NPAS2: variants seen among roughly 807,000 people sequenced by gnomAD.
NPAS2 encodes neuronal PAS domain protein 2.
A neutral mutation model predicts 107.5 loss-of-function variants in NPAS2; 23 were observed. That is an observed-to-expected ratio of 0.21 (90% CI 0.15 to 0.30). NPAS2 has a LOEUF of 0.30. Among genes scored for constraint, NPAS2 ranks in the 10% least tolerant of loss-of-function variants. The pLI, the probability that NPAS2 is intolerant of heterozygous loss-of-function variation, is 1.00. For synonymous variants in NPAS2, 403 were observed against 417.5 expected, an observed-to-expected ratio of 0.97 and a Z score of 0.42; for missense variants, 756 against 1,043.3, an observed-to-expected ratio of 0.72 and a Z score of 3.79.
At chr2:100,849,781 G>A (rs1026912302) in intron 1 of NPAS2, among the ~76,000 whole-genome samples, 1 of 152,094 alleles carries the variant, frequency 6.6e-6, no homozygotes, top group African/African-American at 2.4e-5. Context: ...GGGAGGAGAG[G>A]AATGGACACA....
chr2:100,852,616 A>G (rs1271089169), intron 1 of NPAS2, among the ~76,000 whole-genome samples: 1 of 152,114 alleles, frequency 6.6e-6, no homozygotes, highest in Non-Finnish European at 1.5e-5. Flanking sequence ...TAGAGTGGAA[A>G]GAAGGGAGAC....
At chr2:100,909,420 C>A (rs188385590) in intron 2 of NPAS2, among the ~76,000 whole-genome samples, 2 of 152,182 alleles carry the variant, frequency 1.3e-5, no homozygotes, top group Non-Finnish European at 2.9e-5. Context: ...AGACTGTTCT[C>A]GTTTCATTTG....
intron 7 of NPAS2, among the ~76,000 whole-genome samples, chr2:100,950,047 C>T (rs1187720550): frequency 6.6e-6 from 1 of 152,216 alleles, no homozygotes; most frequent in Admixed American, 6.5e-5. Flanking sequence ...ACCTGATTAA[C>T]CAAACTCTGG....
In NPAS2 at chr2:100,842,464, G is replaced by A. The variant is rs142084393; in HGVS notation, c.-23+22050G>A. ...TTCGACTGTCATCATCTTGCTTGTG[G>A]TCTGGGTGTCGGGGCTGCTGCTGCA... On this transcript the variant is annotated intron_variant, in intron 1 of 20. Transcript: ENST00000335681. 6.8e-4 allele frequency among the ~76,000 whole-genome samples: 103 copies of A among 152,280 alleles called. 1 individual carries two copies. The South Asian group carries it at 9.5e-3, about 14-fold the overall frequency.
At chr2:100,923,444 G>A (rs941093111) in intron 2 of NPAS2, among the ~76,000 whole-genome samples, 5 of 152,320 alleles carry the variant, frequency 3.3e-5, no homozygotes, top group East Asian at 1.9e-4. Context: ...AGTGGTTATG[G>A]TCCTCGTGAT....
At chr2:100,943,948 C>A (rs1573682080) in intron 5 of NPAS2, among the ~76,000 whole-genome samples, 1 of 152,196 alleles carries the variant, frequency 6.6e-6, no homozygotes, top group Non-Finnish European at 1.5e-5. Flanking sequence ...TTGTGGCTTA[C>A]CTTTCCCCCT....
chr2:100,949,292 C>G, intron 6 of NPAS2, 75 bp from the exon 7 acceptor site: 1 of 859,680 alleles, frequency 1.2e-6, no homozygotes, highest in Non-Finnish European at 2.0e-6. Flanking sequence ...AGAGTTTTCA[C>G]AGAGACGCTA....
intron 7 of NPAS2, among the ~76,000 whole-genome samples, chr2:100,952,046 G>T (rs561486702): frequency 2.0e-4 from 31 of 151,906 alleles, no homozygotes; most frequent in Admixed American, 1.7e-3. Context: ...CAGCTACTAG[G>T]GAGGCTGAGG....
chr2:100,952,340 A>G (rs560800530), intron 7 of NPAS2, among the ~76,000 whole-genome samples: 310 of 152,144 alleles, frequency 2.0e-3, no homozygotes, highest in Non-Finnish European at 3.5e-3. Context: ...CACTTCGGGC[A>G]GATCACCTGA....
intron 2 of NPAS2, among the ~76,000 whole-genome samples, chr2:100,917,035 C>T (rs941649468): frequency 1.2e-4 from 19 of 152,056 alleles, no homozygotes; most frequent in East Asian, 3.8e-4. Context: ...TAGAGGGAAA[C>T]TTGCAACATT....
intron 12 of NPAS2, among the ~76,000 whole-genome samples, chr2:100,974,538 G>T (rs1369666802): frequency 6.6e-6 from 1 of 152,188 alleles, no homozygotes; most frequent in Non-Finnish European, 1.5e-5. Context: ...TAATAAAATG[G>T]AAAGTCAGTT....
At chr2:100,966,875 G>T (rs1298033398) in intron 10 of NPAS2, among the ~76,000 whole-genome samples, 1 of 152,140 alleles carries the variant, frequency 6.6e-6, no homozygotes, top group Non-Finnish European at 1.5e-5. Flanking sequence ...TGGATTACAG[G>T]CATAAGCCAC....
intron 1 of NPAS2, among the ~76,000 whole-genome samples, chr2:100,888,128 C>T (rs888725994): frequency 3.3e-5 from 5 of 152,172 alleles, no homozygotes; most frequent in African/African-American, 7.2e-5. Context: ...CAGCCTCTCC[C>T]GAAGAGATCC....
At chr2:100,930,063 G>T (rs889552351) in intron 3 of NPAS2, among the ~76,000 whole-genome samples, 7 of 152,312 alleles carry the variant, frequency 4.6e-5, no homozygotes, top group East Asian at 1.9e-4. Context: ...TTATAAGAGA[G>T]AAATCCCTAA....
At chr2:100,932,055 A>G (rs993680637) in intron 3 of NPAS2, among the ~76,000 whole-genome samples, 9 of 152,218 alleles carry the variant, frequency 5.9e-5, no homozygotes, top group African/African-American at 2.2e-4. Context: ...CCTAGCACCA[A>G]GGAAATAATC....
intron 3 of NPAS2, among the ~76,000 whole-genome samples, chr2:100,926,288 G>A (rs1375911455): frequency 6.6e-6 from 1 of 152,100 alleles, no homozygotes; most frequent in African/African-American, 2.4e-5. Flanking sequence ...TCTTTTGTTT[G>A]TATTCCTAGG....
In NPAS2 at chr2:100,971,185, G is replaced by T. The variant is rs932683590; in HGVS notation, c.1140+111G>T. 23 of 949,798 alleles carry T rather than the reference G, an allele frequency of 2.4e-5. 1 individual carries two copies. The Admixed American group carries it at 4.9e-4, about 20-fold the overall frequency. The allele number at this position is 949,798 out of a possible 1,614,324, so 58.8% of individuals were successfully genotyped here. On this transcript the variant is annotated intron_variant, in intron 12 of 20. Transcript: ENST00000335681. ...TTCATCAATGGAAGGGTACAACCAA[G>T]CTATTCAGGAGGCTGAGGTGGGAGG... is the stretch of plus-strand genomic sequence containing the variant.
At chr2:100,930,108 A>G (rs1683840204) in intron 3 of NPAS2, among the ~76,000 whole-genome samples, 1 of 152,226 alleles carries the variant, frequency 6.6e-6, no homozygotes, top group African/African-American at 2.4e-5. Flanking sequence ...GGACATCCTT[A>G]TCTACATCCA....
chr2:100,974,673 C>T (rs115632505), intron 12 of NPAS2, 130 bp from the exon 13 acceptor site: 13,463 of 987,558 alleles, frequency 0.014, 132 homozygotes, highest in Non-Finnish European at 0.015. Flanking sequence ...TCTTTGGAAT[C>T]GTCCCCAAAC....
Sources: allele counts gnomAD v4.1 joint callset (sites outside exome capture counted in the v4.1 genomes callset), GRCh38; gene constraint gnomAD v4.1.1; transcripts MANE v1.5; gene names NCBI Gene and HGNC (gene_info 2026-07-23, HGNC 2026-07-21).